The following USH2A variants were observed in gnomAD, a reference collection of about 807,000 sequenced individuals.
USH2A encodes usherin, also known as Usher syndrome 2A (autosomal recessive, mild).
USH2A carries 443 observed loss-of-function variants against 538.9 expected under a neutral mutation model. The observed-to-expected ratio is 0.82, with a 90% CI of 0.76 to 0.89. The LOEUF (loss-of-function observed/expected upper bound fraction) is 0.89. USH2A is among the 40% of genes least tolerant of loss of function. The pLI, the probability that USH2A is intolerant of heterozygous loss-of-function variation, is 0.00. For synonymous variants in USH2A, 2,413 were observed against 2,273.5 expected, an observed-to-expected ratio of 1.06 and a Z score of -1.75; for missense variants, 6,633 against 6,324.8, an observed-to-expected ratio of 1.05 and a Z score of -1.65.
intron 11 of USH2A, among the ~76,000 whole-genome samples, chr1:216,280,098 C>T (rs1388495978): frequency 6.6e-6 from 1 of 151,436 alleles, no homozygotes; most frequent in Non-Finnish European, 1.5e-5. Context: ...TCATCTAGGC[C>T]TGGGACTCTA....
intron 21 of USH2A, among the ~76,000 whole-genome samples, chr1:216,143,156 G>A (rs997360549): frequency 2.0e-5 from 3 of 152,102 alleles, no homozygotes; most frequent in African/African-American, 4.8e-5. Context: ...TTCCCAAATG[G>A]AACATGGTAC....
intron 57 of USH2A, 71 bp downstream of exon 57, chr1:215,759,589 T>C: frequency 4.4e-6 from 7 of 1,581,198 alleles, no homozygotes; most frequent in Non-Finnish European, 6.1e-6. Context: ...CAGTGGGACA[T>C]GCATTTCTTA....
chr1:216,173,171 T>C (rs2034304710), intron 21 of USH2A, among the ~76,000 whole-genome samples: 1 of 152,208 alleles, frequency 6.6e-6, no homozygotes, highest in Admixed American at 6.6e-5. Flanking sequence ...CAGAAAGTTA[T>C]TGAGTTGGTT....
At chr1:216,236,347 A>G (rs1042938013) in intron 13 of USH2A, among the ~76,000 whole-genome samples, 2 of 151,932 alleles carry the variant, frequency 1.3e-5, no homozygotes, top group Non-Finnish European at 2.9e-5. Flanking sequence ...TCACTTTACT[A>G]CTTCTCTATA....
At chr1:215,954,465 C>CA (rs1667010912) in intron 37 of USH2A, among the ~76,000 whole-genome samples, 1 of 148,868 alleles carries the variant, frequency 6.7e-6, no homozygotes. Context: ...ATCGCAAGGA[C>CA]AAAAAACCAA....
At chr1:215,873,735 T>G (rs1664680949) in intron 43 of USH2A, among the ~76,000 whole-genome samples, 1 of 151,854 alleles carries the variant, frequency 6.6e-6, no homozygotes, top group Non-Finnish European at 1.5e-5. Context: ...ATGTTTTAAT[T>G]TAAATGTAAT....
intron 55 of USH2A, among the ~76,000 whole-genome samples, chr1:215,776,445 T>C (rs1038452281): frequency 6.6e-6 from 1 of 152,218 alleles, no homozygotes; most frequent in Non-Finnish European, 1.5e-5. Context: ...CATTCGCCAC[T>C]ATTCCCACAA....
At chr1:216,049,147 C>T (rs928493735) in intron 30 of USH2A, among the ~76,000 whole-genome samples, 1 of 152,130 alleles carries the variant, frequency 6.6e-6, no homozygotes, top group Non-Finnish European at 1.5e-5. Context: ...TAACAGTAGG[C>T]GATACATATA....
At chr1:215,958,385 C>T (rs529977282) in intron 37 of USH2A, among the ~76,000 whole-genome samples, 1 of 152,188 alleles carries the variant, frequency 6.6e-6, no homozygotes, top group East Asian at 1.9e-4. Flanking sequence ...TAGGATTTTT[C>T]GGAACTGTAG....
chr1:215,985,711 T>G (rs1189382856), intron 35 of USH2A, among the ~76,000 whole-genome samples: 1 of 152,166 alleles, frequency 6.6e-6, no homozygotes, highest in Non-Finnish European at 1.5e-5. Flanking sequence ...TATCTTCATG[T>G]GCATACATTA....
intron 61 of USH2A, among the ~76,000 whole-genome samples, chr1:215,683,216 T>TACAC (rs71167830): frequency 2.6e-4 from 39 of 149,688 alleles, no homozygotes; most frequent in African/African-American, 8.9e-4. Context: ...AATAGTTTTA[T>TACAC]ACACACACAC....
At chr1:215,898,848 T>C (rs1252220395) in intron 40 of USH2A, among the ~76,000 whole-genome samples, 2 of 152,170 alleles carry the variant, frequency 1.3e-5, no homozygotes, top group Admixed American at 6.6e-5. Flanking sequence ...TCCTAAAAGG[T>C]GGTGAATTAA....
At position 215,648,760 on chromosome 1, in the gene USH2A, C is replaced by T. The variant is rs746837034; in HGVS notation, c.14350G>A (p.Glu4784Lys). ...SAHGAETVLS[E>K]GMATQQTLHG... ...AGAGTCTGCTGGGTGGCCATGCCTT[C>T]GGATAGCTGTGGAAGGAAGGAAGGC... Residue 4784 changes from glutamate (E) to lysine (K), a missense_variant, in exon 66 of 72, where the codon GAA (glutamate) becomes AAA (lysine). By Grantham distance (56) the Glu-to-Lys change is moderately conservative (BLOSUM62 1). Transcript: ENST00000307340. 1.5e-5 allele frequency: 24 copies of T among 1,613,844 alleles called. No individual in the cohort carries two copies. Among genetic ancestry groups the T allele is most frequent in the South Asian group, 4.4e-5 (4 of 91,048 alleles).
At chr1:215,906,050 A>G (rs1665632570) in intron 38 of USH2A, among the ~76,000 whole-genome samples, 1 of 152,102 alleles carries the variant, frequency 6.6e-6, no homozygotes, top group Non-Finnish European at 1.5e-5. Context: ...TGAGTCATTG[A>G]GTCATGAACA....
intron 11 of USH2A, among the ~76,000 whole-genome samples, chr1:216,281,353 GA>G (rs897237358): frequency 1.3e-5 from 2 of 151,850 alleles, no homozygotes; most frequent in African/African-American, 4.8e-5. Context: ...TTTGGAAAGA[GA>G]AAAAAGTTTA....
chr1:215,891,443 G>A lies in USH2A; in HGVS notation c.7595-2389C>T, dbSNP rs72742769. Among the ~76,000 whole-genome samples the A allele has an allele frequency of 0.019, 2,963 of 152,186 alleles. 48 individuals are homozygous for A. The highest frequency in any genetic ancestry group is 0.029 in the Non-Finnish European group (1,954 of 68,020). On this transcript the variant is annotated intron_variant, in intron 40 of 71. Coordinates refer to ENST00000307340, the MANE Select transcript of USH2A (RefSeq NM_206933.4). ...ATTTAGTGCTTTAAAATGATAAGCC[G>A]AATCATCTAATTCTATATACAAATC...
chr1:216,342,358 G>A (rs1318297609), intron 4 of USH2A, among the ~76,000 whole-genome samples: 1 of 152,076 alleles, frequency 6.6e-6, no homozygotes, highest in Non-Finnish European at 1.5e-5. Context: ...TGAGACTGTG[G>A]AGAAACAGGA....
At chr1:215,997,356 A>G (rs1378270652) in intron 34 of USH2A, among the ~76,000 whole-genome samples, 1 of 152,132 alleles carries the variant, frequency 6.6e-6, no homozygotes, top group Non-Finnish European at 1.5e-5. Flanking sequence ...TCCATAGAAT[A>G]GTGTTTGGGA....
At chr1:215,951,990 G>A (rs1358551467) in intron 37 of USH2A, among the ~76,000 whole-genome samples, 1 of 150,794 alleles carries the variant, frequency 6.6e-6, no homozygotes, top group Non-Finnish European at 1.5e-5. Context: ...TCAGCCTCCC[G>A]AGTAGCTGGG....
Sources: allele counts gnomAD v4.1 joint callset (sites outside exome capture counted in the v4.1 genomes callset), GRCh38; gene constraint gnomAD v4.1.1; transcripts MANE v1.5; gene names NCBI Gene and HGNC (gene_info 2026-07-23, HGNC 2026-07-21).